The following RPRD1A variants were observed in gnomAD, a reference collection of about 807,000 sequenced individuals.
RPRD1A encodes the protein regulation of nuclear pre-mRNA domain containing 1A.
RPRD1A carries 9 observed loss-of-function variants against 37.8 expected under a neutral mutation model. The ratio of observed to expected loss-of-function variants is 0.24; its 90% CI spans 0.14 to 0.42. The LOEUF is 0.42. Among genes scored for constraint, RPRD1A ranks in the 10% least tolerant of loss-of-function variants. RPRD1A has a pLI of 1.00. For missense variants in RPRD1A, 255 were observed against 371.0 expected (o/e 0.69, Z 2.57); for synonymous variants, 138 against 139.7 (o/e 0.99, Z 0.08).
chr18:36,029,695 T>C (rs1174801863), intron 4 of RPRD1A, among the ~76,000 whole-genome samples: 8 of 151,440 alleles, frequency 5.3e-5, no homozygotes, highest in African/African-American at 1.2e-4. Context: ...CATACCAACA[T>C]GTAGGAGGAC....
intron 1 of RPRD1A, chr18:36,064,285 T>G (rs2088974947): frequency 6.6e-6 from 1 of 152,510 alleles, no homozygotes; most frequent in Non-Finnish European, 1.5e-5. Flanking sequence ...TACGCGCGGT[T>G]CCGGGTGGGT....
At chr18:36,013,282 A>G (rs1162069902) in intron 6 of RPRD1A, among the ~76,000 whole-genome samples, 2 of 152,216 alleles carry the variant, frequency 1.3e-5, no homozygotes, top group East Asian at 3.8e-4. Context: ...TGCAGTAAGG[A>G]AGAATTAGTA....
At chr18:36,062,346 A>C (rs1323005954) in intron 1 of RPRD1A, among the ~76,000 whole-genome samples, 1 of 151,166 alleles carries the variant, frequency 6.6e-6, no homozygotes, top group Non-Finnish European at 1.5e-5. Flanking sequence ...AAAAAAAAAA[A>C]AACATGTACC....
At chr18:36,038,236 G>A (rs1478985819) in intron 1 of RPRD1A, among the ~76,000 whole-genome samples, 1 of 152,192 alleles carries the variant, frequency 6.6e-6, no homozygotes, top group Non-Finnish European at 1.5e-5. Flanking sequence ...CAGAGGCCGA[G>A]GAGGAAAAAA....
At chr18:36,051,627 C>T (rs1431689967) in intron 1 of RPRD1A, among the ~76,000 whole-genome samples, 1 of 152,154 alleles carries the variant, frequency 6.6e-6, no homozygotes, top group African/African-American at 2.4e-5. Flanking sequence ...CTATTGTATG[C>T]TAGGTTCTGA....
rs1227978108 is a variant in RPRD1A, at chr18:35,992,174, T to C, written c.*977A>G. ...GTCATTCAAAAACCTTAAGGAAACA[T>C]TGAAAATGTCTCAGGCTACTTTACT... On this transcript the variant is annotated 3_prime_UTR_variant, in exon 7 of 7. Coordinates refer to ENST00000399022, the MANE Select transcript of RPRD1A (RefSeq NM_018170.5). 1.3e-5 allele frequency: 2 copies of C among 152,626 alleles called. No homozygotes were observed. The highest frequency in any genetic ancestry group is 2.9e-5 in the Non-Finnish European group (2 of 68,022). 9.5% of individuals were successfully genotyped at this position (152,626 alleles called of 1,614,324 possible).
chr18:36,003,660 T>C (rs1909557646), intron 6 of RPRD1A, among the ~76,000 whole-genome samples: 1 of 152,224 alleles, frequency 6.6e-6, no homozygotes, highest in East Asian at 1.9e-4. Flanking sequence ...TTTTCAAAGC[T>C]GTTGGCAACT....
intron 1 of RPRD1A, among the ~76,000 whole-genome samples, chr18:36,049,198 G>C (rs1328965532): frequency 6.6e-6 from 1 of 152,176 alleles, no homozygotes; most frequent in Non-Finnish European, 1.5e-5. Context: ...GAGCCACCAT[G>C]CCCTCCCATG....
chr18:35,997,352 T>C (rs1480653128), intron 6 of RPRD1A, among the ~76,000 whole-genome samples: 1 of 152,114 alleles, frequency 6.6e-6, no homozygotes. Flanking sequence ...ATATCACATA[T>C]ATAGAATACA....
chr18:36,053,605 A>G (rs531277998), intron 1 of RPRD1A, among the ~76,000 whole-genome samples: 1 of 152,292 alleles, frequency 6.6e-6, no homozygotes, highest in East Asian at 1.9e-4. Flanking sequence ...TTTGGTCACT[A>G]TGAACAGTCC....
intron 6 of RPRD1A, among the ~76,000 whole-genome samples, chr18:35,999,593 C>T (rs999178690): frequency 6.6e-6 from 1 of 151,980 alleles, no homozygotes; most frequent in Admixed American, 6.5e-5. Flanking sequence ...CTGCCTTTTT[C>T]TTGCAGATGC....
chr18:36,056,046 CAT>C (rs1913744080), intron 1 of RPRD1A, among the ~76,000 whole-genome samples: 1 of 152,072 alleles, frequency 6.6e-6, no homozygotes, highest in African/African-American at 2.4e-5. Context: ...TACTAACAAA[CAT>C]AAATTTATAA....
intron 1 of RPRD1A, chr18:36,040,814 T>C: frequency 6.6e-7 from 1 of 1,518,942 alleles, no homozygotes; most frequent in Non-Finnish European, 8.8e-7. Context: ...TACAGTAAAT[T>C]CCTGTTTGAC....
chr18:36,010,275 C>G (rs1008613371), intron 6 of RPRD1A, among the ~76,000 whole-genome samples: 1 of 151,518 alleles, frequency 6.6e-6, no homozygotes, highest in South Asian at 2.1e-4. Context: ...TCAAGACAGG[C>G]CTGGGCAACA....
chr18:36,054,101 T>C (rs757264776), intron 1 of RPRD1A, among the ~76,000 whole-genome samples: 12 of 152,126 alleles, frequency 7.9e-5, no homozygotes, highest in Non-Finnish European at 1.3e-4. Flanking sequence ...CAAAAAAAGA[T>C]CATCAAGTCA....
At chr18:36,017,416 A>G (rs1209057732) in intron 6 of RPRD1A, among the ~76,000 whole-genome samples, 1 of 152,062 alleles carries the variant, frequency 6.6e-6, no homozygotes, top group Non-Finnish European at 1.5e-5. Context: ...TCTCTCTCCA[A>G]TCTAATCCAC....
chr18:35,993,410 A>T lies in RPRD1A; in HGVS notation c.790-110T>A, dbSNP rs1234760208. On this transcript the variant is annotated intron_variant, in intron 6 of 6. Coordinates refer to ENST00000399022, the MANE Select transcript of RPRD1A (RefSeq NM_018170.5). The stretch of plus-strand genomic sequence containing the variant: ...TATATACTCAGTTAATGCCATATTT[A>T]AAAAGGTTATTCCAGTGTGAGTTTT... The T allele has an allele frequency of 4.8e-6, 5 of 1,049,352 alleles. No homozygotes were observed. In the African/African-American group the frequency reaches 4.9e-5, roughly 10 times the overall value. The allele number at this position is 1,049,352 out of a possible 1,614,324, so 65.0% of individuals were successfully genotyped here. A position where few individuals can be genotyped will look rare whatever the true frequency, so the allele number is the denominator to read the frequency against.
At chr18:36,060,675 A>G (rs1040289931) in intron 1 of RPRD1A, among the ~76,000 whole-genome samples, 7 of 151,418 alleles carry the variant, frequency 4.6e-5, no homozygotes, top group South Asian at 2.1e-4. Context: ...TTCACAACCA[A>G]TATGTAACCC....
intron 1 of RPRD1A, among the ~76,000 whole-genome samples, chr18:36,046,747 G>A (rs1250133787): frequency 6.6e-6 from 1 of 151,326 alleles, no homozygotes. Context: ...GAGGTGGGAG[G>A]ACTGCTGAGC....
Sources: allele counts gnomAD v4.1 joint callset (sites outside exome capture counted in the v4.1 genomes callset), GRCh38; gene constraint gnomAD v4.1.1; transcripts MANE v1.5; gene names NCBI Gene and HGNC (gene_info 2026-07-23, HGNC 2026-07-21).